GABBR2: variants seen among roughly 807,000 people sequenced by gnomAD.
The protein encoded by GABBR2 is gamma-aminobutyric acid type B receptor subunit 2.
In GABBR2, 23 loss-of-function variants were observed where a neutral mutation model predicts 105.6. That is an observed-to-expected ratio of 0.22 (90% CI 0.16 to 0.31). The LOEUF (loss-of-function observed/expected upper bound fraction) is 0.31. Ranked by LOEUF, GABBR2 falls within the 10% of genes least tolerant of loss-of-function variation. The probability of loss-of-function intolerance (pLI) is 1.00; values close to 1 mark genes in which losing one functional copy is unlikely to be tolerated. For missense variants in GABBR2, 734 were observed against 1,245.5 expected, an observed-to-expected ratio of 0.59 and a Z score of 6.18; for synonymous variants, 478 against 499.7, an observed-to-expected ratio of 0.96 and a Z score of 0.58.
chr9:98,604,848 C>G (rs555136753), intron 1 of GABBR2, among the ~76,000 whole-genome samples: 1 of 152,202 alleles, frequency 6.6e-6, no homozygotes, highest in South Asian at 2.1e-4. Flanking sequence ...CCTGAGGACT[C>G]ACAACTAGTT....
intron 1 of GABBR2, among the ~76,000 whole-genome samples, chr9:98,605,167 C>T (rs770469474): frequency 2.0e-5 from 3 of 152,240 alleles, no homozygotes; most frequent in African/African-American, 4.8e-5. Context: ...TCTGTTGAGG[C>T]CTCCACAGGG....
At chr9:98,640,515 C>T (rs1317837359) in intron 1 of GABBR2, among the ~76,000 whole-genome samples, 3 of 152,272 alleles carry the variant, frequency 2.0e-5, no homozygotes, top group East Asian at 1.9e-4. Flanking sequence ...AACCACCCTC[C>T]GTGATGCTGA....
intron 7 of GABBR2, among the ~76,000 whole-genome samples, chr9:98,450,208 T>C (rs1384269582): frequency 1.3e-5 from 2 of 152,206 alleles, no homozygotes; most frequent in Non-Finnish European, 2.9e-5. Flanking sequence ...GGATACTGTG[T>C]GTGCTGTATA....
intron 14 of GABBR2, among the ~76,000 whole-genome samples, chr9:98,307,755 A>G (rs557044014): frequency 6.6e-6 from 1 of 152,274 alleles, no homozygotes; most frequent in Admixed American, 6.5e-5. Flanking sequence ...TGTGGATGAA[A>G]TGGGAGGATG....
chr9:98,510,356 C>A (rs201628746), intron 3 of GABBR2, among the ~76,000 whole-genome samples: 17,251 of 152,220 alleles, frequency 0.11, 1,631 homozygotes, highest in East Asian at 0.49. Context: ...GAAGAAACTG[C>A]ATCAACTAAC....
chr9:98,568,539 G>A (rs904324879), intron 2 of GABBR2, among the ~76,000 whole-genome samples: 5 of 152,186 alleles, frequency 3.3e-5, no homozygotes, highest in African/African-American at 9.7e-5. Context: ...CAGCTGAGCA[G>A]CTTCAAGGGA....
At chr9:98,517,892 AGGGAGTCAGAGGACCAGTGAGAGCCTAGC>A (rs142638346) in intron 3 of GABBR2, among the ~76,000 whole-genome samples, 65,589 of 149,532 alleles carry the variant, frequency 0.44, 14,571 homozygotes, top group East Asian at 0.67. Context: ...GAGAGTCCAG[AGGGAGTCAGAGGACCAGTGAGAGCCTAGC>A]AGGAGTCAGA....
At chr9:98,692,705 T>A (rs966243506) in intron 1 of GABBR2, among the ~76,000 whole-genome samples, 1 of 152,216 alleles carries the variant, frequency 6.6e-6, no homozygotes, top group Non-Finnish European at 1.5e-5. Context: ...CAGCTCACCA[T>A]GCAGATCCAC....
intron 1 of GABBR2, among the ~76,000 whole-genome samples, chr9:98,654,542 G>A (rs537620234): frequency 1.2e-4 from 18 of 152,282 alleles, no homozygotes; most frequent in African/African-American, 4.1e-4. Flanking sequence ...TCAAACAAGC[G>A]GATGGGTGCT....
chr9:98,594,570 G>A (rs1397669439), intron 1 of GABBR2, among the ~76,000 whole-genome samples: 3 of 152,232 alleles, frequency 2.0e-5, no homozygotes, highest in African/African-American at 7.2e-5. Flanking sequence ...CATTGAGGCA[G>A]CAGTTTGGGA....
intron 1 of GABBR2, among the ~76,000 whole-genome samples, chr9:98,588,026 TG>T (rs780746333): frequency 3.3e-5 from 5 of 152,232 alleles, no homozygotes; most frequent in Non-Finnish European, 7.3e-5. Context: ...AGTGGTTTTT[TG>T]TTACTTGCTT....
chr9:98,546,623 G>T lies in GABBR2; in HGVS notation c.460-4580C>A, dbSNP rs1422616549. ...CCTTACTGTATTTTTGCTTGCATTT[G>T]CCTGTCACTTTTTTATCCTCCTTTT... On this transcript the variant is annotated intron_variant, in intron 2 of 18. Transcript: ENST00000259455. Among the ~76,000 whole-genome samples the T allele has an allele frequency of 2.0e-5, 3 of 152,080 alleles. No individual in the cohort carries two copies. The South Asian group carries it at 6.2e-4, about 32-fold the overall frequency.
chr9:98,335,824 C>T (rs1261488410), intron 13 of GABBR2, among the ~76,000 whole-genome samples: 2 of 131,338 alleles, frequency 1.5e-5, no homozygotes, highest in East Asian at 4.5e-4. Flanking sequence ...AGAATCATGC[C>T]AGGGAAGCTT....
intron 7 of GABBR2, among the ~76,000 whole-genome samples, chr9:98,421,429 C>A (rs1162853313): frequency 6.6e-6 from 1 of 152,146 alleles, no homozygotes; most frequent in Non-Finnish European, 1.5e-5. Flanking sequence ...AGGAACTGTA[C>A]TCATTCAGGA....
chr9:98,394,357 T>G, intron 8 of GABBR2, 102 bp from the exon 9 acceptor site: 2 of 776,084 alleles, frequency 2.6e-6, no homozygotes, highest in Non-Finnish European at 2.2e-6. Context: ...CCTGGATATA[T>G]TCTGGCAGGC....
intron 2 of GABBR2, among the ~76,000 whole-genome samples, chr9:98,560,426 TAC>T (rs1209503495): frequency 0.044 from 2,800 of 64,202 alleles, 80 homozygotes; most frequent in African/African-American, 0.083. Flanking sequence ...CATATACACA[TAC>T]ACACACACAC....
chr9:98,342,576 G>A lies in GABBR2; in HGVS notation c.1893+20139C>T, dbSNP rs138197913. The stretch of plus-strand genomic sequence containing the variant: ...GCCCATGGGTAATGGACCAACCAAC[G>A]GCCCCTGTGGAGTTCCACTGCCCTG... On this transcript the variant is annotated intron_variant, in intron 13 of 18. Coordinates refer to ENST00000259455, the MANE Select transcript of GABBR2 (RefSeq NM_005458.8). 5.3e-4 allele frequency among the ~76,000 whole-genome samples: 80 copies of A among 152,298 alleles called. 1 individual carries two copies. The East Asian group carries it at 0.011, about 21-fold the overall frequency.
chr9:98,543,323 A>G (rs1237517222), intron 2 of GABBR2, among the ~76,000 whole-genome samples: 3 of 151,522 alleles, frequency 2.0e-5, no homozygotes, highest in African/African-American at 7.3e-5. Context: ...GAGTGAGTGA[A>G]GTTGAATATT....
chr9:98,366,162 G>C (rs1167321511), intron 12 of GABBR2, among the ~76,000 whole-genome samples: 1 of 152,094 alleles, frequency 6.6e-6, no homozygotes, highest in Non-Finnish European at 1.5e-5. Flanking sequence ...GATAATATTT[G>C]CACATCCCAC....
Sources: allele counts gnomAD v4.1 joint callset (sites outside exome capture counted in the v4.1 genomes callset), GRCh38; gene constraint gnomAD v4.1.1; transcripts MANE v1.5; gene names NCBI Gene and HGNC (gene_info 2026-07-23, HGNC 2026-07-21).